Variants in PTPRK observed in about 807,000 individuals in gnomAD.
The protein encoded by PTPRK is receptor-type tyrosine-protein phosphatase kappa.
Under a neutral mutation model 178.0 loss-of-function variants are expected in PTPRK, and 75 were observed. That is an observed-to-expected ratio of 0.42 (90% CI 0.35 to 0.51). PTPRK has a LOEUF of 0.51. Ranked by LOEUF, PTPRK falls within the 20% of genes least tolerant of loss-of-function variation. The pLI, the probability that PTPRK is intolerant of heterozygous loss-of-function variation, is 0.02. For synonymous variants in PTPRK, 637 were observed against 620.6 expected (o/e 1.03, Z -0.39); for missense variants, 1,441 against 1,797.8 (o/e 0.80, Z 3.59).
intron 29 of PTPRK, among the ~76,000 whole-genome samples, chr6:127,970,925 A>T (rs1054756342): frequency 1.3e-5 from 2 of 151,970 alleles, no homozygotes; most frequent in Admixed American, 1.3e-4. Flanking sequence ...TAAACTGCAA[A>T]TGTTTTTCTC....
chr6:128,144,813 T>C (rs1282442193), intron 7 of PTPRK, among the ~76,000 whole-genome samples: 2 of 152,154 alleles, frequency 1.3e-5, no homozygotes, highest in Middle Eastern at 3.2e-3. Flanking sequence ...TAACCAAAGA[T>C]AACTAGAATG....
At chr6:128,064,643 C>G in intron 13 of PTPRK, 115 bp downstream of exon 13, 1 of 1,350,800 alleles carries the variant, frequency 7.4e-7, no homozygotes, top group Non-Finnish European at 9.8e-7. Context: ...ACATGAGTCA[C>G]AGAACTAACT....
chr6:127,992,643 T>C (rs1776738998), intron 19 of PTPRK, 30 bp downstream of exon 19: 1 of 1,568,206 alleles, frequency 6.4e-7, no homozygotes, highest in African/African-American at 1.4e-5. Context: ...GTTTGTTTTT[T>C]CTATAACATT....
chr6:128,234,920 A>G (rs961995216), intron 5 of PTPRK, among the ~76,000 whole-genome samples: 2 of 152,202 alleles, frequency 1.3e-5, no homozygotes, highest in Non-Finnish European at 2.9e-5. Context: ...TCCAGTGTTC[A>G]TAAGAGTTAC....
At chr6:128,393,485 G>A (rs528434563) in intron 2 of PTPRK, among the ~76,000 whole-genome samples, 7 of 152,242 alleles carry the variant, frequency 4.6e-5, no homozygotes, top group South Asian at 2.1e-4. Context: ...ACAGTGGGCC[G>A]CATCTTCTGA....
chr6:128,466,822 A>T (rs935697139), intron 1 of PTPRK, among the ~76,000 whole-genome samples: 1 of 152,222 alleles, frequency 6.6e-6, no homozygotes, highest in African/African-American at 2.4e-5. Flanking sequence ...CATAAATTTT[A>T]AATGAAATGT....
Position 128,054,980 on chromosome 6 carries a change from T to G in PTPRK, c.2194+9778A>C, listed in dbSNP as rs138305510. Among the ~76,000 whole-genome samples the G allele has an allele frequency of 2.5e-3, 377 of 152,326 alleles. 1 individual carries two copies. Among genetic ancestry groups the G allele is most frequent in the African/African-American group, 8.4e-3 (350 of 41,576 alleles). Reference sequence around the variant, plus strand: ...GCTGTGGTGGTGACTGTATGACTTTTATTTCTATCCAAATTAAACCCCTGA... The same window carrying G: ...GCTGTGGTGGTGACTGTATGACTTTGATTTCTATCCAAATTAAACCCCTGA... On this transcript the variant is annotated intron_variant, in intron 13 of 29. Transcript: ENST00000368226.
chr6:128,148,274 G>T lies in PTPRK; in HGVS notation c.1162+36158C>A, dbSNP rs79848725. Reference sequence around the variant, plus strand: ...AGAATACATTTTACTTAAGTAGGTAGATGCTGCCTAAAAATAAAAAGGGTT... The same window carrying T: ...AGAATACATTTTACTTAAGTAGGTATATGCTGCCTAAAAATAAAAAGGGTT... On this transcript the variant is annotated intron_variant, in intron 7 of 29. Transcript: ENST00000368226. Among the ~76,000 whole-genome samples, 799 of 152,248 alleles carry T rather than the reference G, an allele frequency of 5.2e-3. 7 individuals are homozygous for T. Among genetic ancestry groups the T allele is most frequent in the African/African-American group, 0.018 (764 of 41,552 alleles).
intron 13 of PTPRK, among the ~76,000 whole-genome samples, chr6:128,060,160 G>A (rs1257887626): frequency 6.6e-6 from 1 of 152,064 alleles, no homozygotes; most frequent in Non-Finnish European, 1.5e-5. Context: ...GTGAACTGTC[G>A]CCAACTTTAA....
Position 128,016,407 on chromosome 6 carries a change from A to G in PTPRK, c.2195-7139T>C, listed in dbSNP as rs754625720. ...ATGTGTCCCTTATCTTCGGAAAGAA[A>G]GGTGCTTTTTATTTTCCCCCCTAGC... is the stretch of plus-strand genomic sequence containing the variant. On this transcript the variant is annotated intron_variant, in intron 13 of 29. Coordinates refer to ENST00000368226, the MANE Select transcript of PTPRK (RefSeq NM_002844.4). Among the ~76,000 whole-genome samples the G allele has an allele frequency of 6.0e-4, 91 of 151,826 alleles. 1 individual carries two copies. Among genetic ancestry groups the G allele is most frequent in the Non-Finnish European group, 1.8e-4 (12 of 67,864 alleles).
At chr6:128,318,736 T>C (rs1467061385) in intron 3 of PTPRK, among the ~76,000 whole-genome samples, 1 of 152,176 alleles carries the variant, frequency 6.6e-6, no homozygotes, top group Non-Finnish European at 1.5e-5. Flanking sequence ...CTTAGTTTTA[T>C]GAATACAAGA....
chr6:128,131,568 T>A (rs1279813582), intron 7 of PTPRK, among the ~76,000 whole-genome samples: 1 of 152,192 alleles, frequency 6.6e-6, no homozygotes, highest in Non-Finnish European at 1.5e-5. Flanking sequence ...AAAATTCATC[T>A]CTCACTGCAG....
At chr6:128,390,528 TC>T (rs1465467780) in intron 2 of PTPRK, among the ~76,000 whole-genome samples, 1 of 152,118 alleles carries the variant, frequency 6.6e-6, no homozygotes, top group East Asian at 1.9e-4. Context: ...CTGGATTAAA[TC>T]AAATAAATTA....
Position 127,969,726 on chromosome 6 carries a change from C to G in PTPRK, c.*501G>C, listed in dbSNP as rs1773705089. 1 of 151,758 alleles carries G rather than the reference C, an allele frequency of 6.6e-6. No homozygotes were observed. Among genetic ancestry groups the G allele is most frequent in the Admixed American group, 6.6e-5 (1 of 15,230 alleles). The allele number at this position is 151,758 out of a possible 1,614,324, so 9.4% of individuals were successfully genotyped here. On this transcript the variant is annotated 3_prime_UTR_variant, in exon 30 of 30. Transcript: ENST00000368226. ...CATTGCACATTAAAAGAAAATAAGC[C>G]AGTTATATATATTTATATATTTATA... is the stretch of plus-strand genomic sequence containing the variant.
intron 7 of PTPRK, among the ~76,000 whole-genome samples, chr6:128,090,425 T>A (rs1786720959): frequency 6.6e-6 from 1 of 152,218 alleles, no homozygotes; most frequent in South Asian, 2.1e-4. Context: ...ATACGAATTA[T>A]TCTAATTGTA....
At chr6:128,217,027 A>G (rs1809439650) in intron 6 of PTPRK, among the ~76,000 whole-genome samples, 3 of 152,210 alleles carry the variant, frequency 2.0e-5, no homozygotes. Flanking sequence ...ATATATGGTA[A>G]AGAAGATCCA....
intron 5 of PTPRK, among the ~76,000 whole-genome samples, chr6:128,226,608 T>C (rs940655427): frequency 7.2e-5 from 11 of 152,170 alleles, no homozygotes; most frequent in African/African-American, 2.6e-4. Flanking sequence ...AGTCTGTGCA[T>C]GCATGTTTTA....
chr6:128,054,169 T>A (rs1482820045), intron 13 of PTPRK, among the ~76,000 whole-genome samples: 1 of 152,224 alleles, frequency 6.6e-6, no homozygotes, highest in Non-Finnish European at 1.5e-5. Context: ...ACAGAAAACT[T>A]TTATTCTTTA....
chr6:128,492,015 C>T (rs1042247868), intron 1 of PTPRK, among the ~76,000 whole-genome samples: 1 of 152,118 alleles, frequency 6.6e-6, no homozygotes, highest in Non-Finnish European at 1.5e-5. Context: ...ACTCCCCTGC[C>T]TATCTGCCTA....
Sources: allele counts gnomAD v4.1 joint callset (sites outside exome capture counted in the v4.1 genomes callset), GRCh38; gene constraint gnomAD v4.1.1; transcripts MANE v1.5; gene names NCBI Gene and HGNC (gene_info 2026-07-23, HGNC 2026-07-21).